The following PCDH15 variants were observed in gnomAD, a reference collection of about 807,000 sequenced individuals.
PCDH15 encodes the protein protocadherin related 15, also known as protocadherin-15.
Under a neutral mutation model 178.5 loss-of-function variants are expected in PCDH15, and 129 were observed. The ratio of observed to expected loss-of-function variants is 0.72; its 90% CI spans 0.63 to 0.84. PCDH15 has a LOEUF of 0.84. Among genes scored for constraint, PCDH15 ranks in the 40% least tolerant of loss-of-function variants. The pLI is 0.00. For synonymous variants in PCDH15, 800 were observed against 732.0 expected, an observed-to-expected ratio of 1.09 and a Z score of -1.50; for missense variants, 2,230 against 2,099.9, an observed-to-expected ratio of 1.06 and a Z score of -1.21.
intron 8 of PCDH15, among the ~76,000 whole-genome samples, chr10:54,254,916 T>A (rs1333160063): frequency 1.3e-5 from 2 of 151,806 alleles, no homozygotes; most frequent in East Asian, 3.9e-4. Context: ...TCAACGTAAT[T>A]TTTTTTCTTT....
At chr10:54,838,115 C>T (rs776202316) in intron 3 of PCDH15, among the ~76,000 whole-genome samples, 1 of 152,038 alleles carries the variant, frequency 6.6e-6, no homozygotes, top group Non-Finnish European at 1.5e-5. Context: ...AACGACAGTA[C>T]TTGACGAGGT....
At chr10:54,824,997 A>G (rs913269194) in intron 3 of PCDH15, among the ~76,000 whole-genome samples, 3 of 152,048 alleles carry the variant, frequency 2.0e-5, no homozygotes, top group Non-Finnish European at 4.4e-5. Context: ...AGCATTAGGT[A>G]TATCTCCCAA....
intron 17 of PCDH15, among the ~76,000 whole-genome samples, chr10:54,071,083 G>A (rs2094233108): frequency 6.6e-6 from 1 of 152,028 alleles, no homozygotes; most frequent in Non-Finnish European, 1.5e-5. Context: ...AAATGACATG[G>A]CAAAATAATT....
At chr10:55,491,501 C>G (rs1488572444) in intron 2 of PCDH15, among the ~76,000 whole-genome samples, 1 of 151,572 alleles carries the variant, frequency 6.6e-6, no homozygotes, top group Non-Finnish European at 1.5e-5. Context: ...CCACCTTTAC[C>G]TAGTTAGTGG....
intron 2 of PCDH15, among the ~76,000 whole-genome samples, chr10:55,014,659 A>G (rs1230224083): frequency 6.6e-6 from 1 of 152,180 alleles, no homozygotes. Context: ...TGTCTTTCTA[A>G]TTCATTGAAT....
At chr10:53,873,164 T>G (rs2133237657) in intron 26 of PCDH15, among the ~76,000 whole-genome samples, 2 of 152,298 alleles carry the variant, frequency 1.3e-5, no homozygotes, top group East Asian at 1.9e-4. Flanking sequence ...CTCAGAAAAT[T>G]TTTATAGAAT....
At chr10:55,304,639 T>C (rs1014074223) in intron 1 of PCDH15, among the ~76,000 whole-genome samples, 3 of 152,152 alleles carry the variant, frequency 2.0e-5, no homozygotes, top group African/African-American at 7.2e-5. Flanking sequence ...TCCACATACA[T>C]TAAAATGGTG....
chr10:54,049,189 A>T (rs2093715830), intron 18 of PCDH15, among the ~76,000 whole-genome samples: 1 of 152,160 alleles, frequency 6.6e-6, no homozygotes, highest in Non-Finnish European at 1.5e-5. Context: ...ATTTGTGCAT[A>T]AAAATGCCAC....
At chr10:54,360,131 C>A (rs1945763367) in intron 5 of PCDH15, among the ~76,000 whole-genome samples, 1 of 152,016 alleles carries the variant, frequency 6.6e-6, no homozygotes, top group African/African-American at 2.4e-5. Context: ...AGGAAACCAA[C>A]CATTAGACCT....
At chr10:55,612,101 C>A (rs79761648) in intron 2 of PCDH15, among the ~76,000 whole-genome samples, 6,544 of 151,936 alleles carry the variant, frequency 0.043, 414 homozygotes, top group East Asian at 0.31. Flanking sequence ...TCCTAGTGAT[C>A]TATTGAGCAA....
chr10:54,884,368 G>T (rs756673021), intron 3 of PCDH15, among the ~76,000 whole-genome samples: 27 of 151,920 alleles, frequency 1.8e-4, no homozygotes, highest in Non-Finnish European at 3.4e-4. Context: ...TTTATAATAA[G>T]ATTTGAAGGA....
intron 1 of PCDH15, among the ~76,000 whole-genome samples, chr10:54,679,845 A>G (rs1042582817): frequency 7.2e-5 from 11 of 152,336 alleles, no homozygotes; most frequent in Admixed American, 6.5e-4. Flanking sequence ...AAAACAAATT[A>G]AGCAGACACT....
chr10:55,232,441 C>CA (rs527530832), intron 1 of PCDH15, among the ~76,000 whole-genome samples: 2 of 151,690 alleles, frequency 1.3e-5, no homozygotes, highest in Non-Finnish European at 2.9e-5. Flanking sequence ...TAATGTTTTT[C>CA]AAAAAAAGTT....
At chr10:54,626,915 C>T (rs1355400613) in intron 2 of PCDH15, among the ~76,000 whole-genome samples, 1 of 152,152 alleles carries the variant, frequency 6.6e-6, no homozygotes, top group Non-Finnish European at 1.5e-5. Flanking sequence ...CTTCCCAAGA[C>T]CATGGGAACT....
intron 29 of PCDH15, among the ~76,000 whole-genome samples, chr10:53,837,795 A>G (rs2077395115): frequency 6.6e-6 from 1 of 151,910 alleles, no homozygotes; most frequent in South Asian, 2.1e-4. Context: ...ATGTATATGT[A>G]TGTGTATACA....
At chr10:55,357,396 A>G (rs184491815) in intron 2 of PCDH15, among the ~76,000 whole-genome samples, 128 of 152,092 alleles carry the variant, frequency 8.4e-4, no homozygotes, top group African/African-American at 2.9e-3. Context: ...AAAGAATACT[A>G]CACAGAATTA....
intron 28 of PCDH15, among the ~76,000 whole-genome samples, chr10:53,855,549 A>G (rs1011358716): frequency 2.6e-5 from 4 of 152,050 alleles, no homozygotes; most frequent in African/African-American, 9.7e-5. Context: ...ATTGTTATGA[A>G]TCATATATGC....
chr10:54,818,655 T>A (rs1366984538), intron 3 of PCDH15, among the ~76,000 whole-genome samples: 1 of 152,040 alleles, frequency 6.6e-6, no homozygotes, highest in Non-Finnish European at 1.5e-5. Context: ...TTTCTGAGAT[T>A]ACATGAAGAC....
chr10:55,305,956 A>C (rs1424880015), intron 1 of PCDH15, among the ~76,000 whole-genome samples: 1 of 152,202 alleles, frequency 6.6e-6, no homozygotes, highest in African/African-American at 2.4e-5. Context: ...AATAATCCCC[A>C]CACAAAGCAT....
Sources: gnomAD v4.1 joint callset for allele counts (sites outside exome capture counted in the v4.1 genomes callset) on GRCh38, gnomAD v4.1.1 for gene constraint, MANE v1.5 for transcripts, NCBI Gene and HGNC (gene_info 2026-07-23, HGNC 2026-07-21) for gene names.